The following SLC17A8 variants were observed in gnomAD, a reference collection of about 807,000 sequenced individuals.
SLC17A8 encodes solute carrier family 17 member 8.
A neutral mutation model predicts 58.0 loss-of-function variants in SLC17A8; 31 were observed. That is an observed-to-expected ratio of 0.53 (90% CI 0.40 to 0.72). The LOEUF is 0.72. Ranked by LOEUF, SLC17A8 falls within the 30% of genes least tolerant of loss-of-function variation. SLC17A8 has a pLI of 0.00. For missense variants in SLC17A8, 655 were observed against 727.8 expected, an observed-to-expected ratio of 0.90 and a Z score of 1.15; for synonymous variants, 228 against 249.0, an observed-to-expected ratio of 0.92 and a Z score of 0.79.
intron 1 of SLC17A8, among the ~76,000 whole-genome samples, chr12:100,377,201 A>G (rs987934458): frequency 2.0e-5 from 3 of 152,160 alleles, no homozygotes; most frequent in African/African-American, 7.2e-5. Flanking sequence ...ATAAAGTCCT[A>G]TCATCCAACT....
intron 5 of SLC17A8, among the ~76,000 whole-genome samples, chr12:100,398,851 A>T (rs1196471141): frequency 1.3e-5 from 2 of 152,044 alleles, no homozygotes; most frequent in Non-Finnish European, 2.9e-5. Context: ...AATGGGTCTC[A>T]TGAGATCTGA....
Position 100,402,428 on chromosome 12 carries a change from G to C in SLC17A8, c.852G>C (p.Lys284Asn). 1 of 1,614,082 alleles carries C rather than the reference G, an allele frequency of 6.2e-7. No individual in the cohort carries two copies. Among genetic ancestry groups the C allele is most frequent in the Non-Finnish European group, 8.5e-7 (1 of 1,180,014 alleles). Residue 284 changes from lysine to asparagine, a missense_variant, in exon 7 of 12, where the codon AAG (lysine) becomes AAC (asparagine). By Grantham distance (94) the Lys-to-Asn change is moderately conservative. Coordinates refer to ENST00000323346, the MANE Select transcript of SLC17A8 (RefSeq NM_139319.3). The part of the protein sequence containing the change: ...AAHPTISNEE[K>N]TYIETSIGEG... The stretch of plus-strand genomic sequence containing the variant: ...ATCCAACAATATCCAATGAGGAGAA[G>C]ACCTATATAGAGACAAGCATAGGAG...
intron 6 of SLC17A8, 28 bp downstream of exon 6, chr12:100,401,891 A>T: frequency 6.5e-7 from 1 of 1,540,282 alleles, no homozygotes; most frequent in Non-Finnish European, 9.0e-7. Context: ...ACAAGTTCAC[A>T]TGTGACTCAT....
intron 4 of SLC17A8, 33 bp from the exon 5 acceptor site, chr12:100,396,297 A>T (rs1490701216): frequency 6.4e-7 from 1 of 1,551,152 alleles, no homozygotes; most frequent in Non-Finnish European, 8.9e-7. Context: ...ACTACAGTCA[A>T]ATCAACTAAT....
intron 1 of SLC17A8, among the ~76,000 whole-genome samples, chr12:100,362,715 C>T (rs1042344451): frequency 1.3e-5 from 2 of 152,162 alleles, no homozygotes; most frequent in African/African-American, 4.8e-5. Context: ...TACAGCTTCT[C>T]CAAGACTCTA....
intron 2 of SLC17A8, among the ~76,000 whole-genome samples, chr12:100,383,949 C>T (rs138465654): frequency 2.0e-5 from 3 of 152,286 alleles, no homozygotes; most frequent in East Asian, 3.9e-4. Context: ...AAGGGATCCT[C>T]CTGCCTTGGT....
chr12:100,418,811 T>A (rs1952926505), intron 11 of SLC17A8, among the ~76,000 whole-genome samples: 1 of 152,248 alleles, frequency 6.6e-6, no homozygotes, highest in Non-Finnish European at 1.5e-5. Flanking sequence ...GATTGCCTAT[T>A]ACAAATATAA....
intron 8 of SLC17A8, among the ~76,000 whole-genome samples, chr12:100,403,077 C>T (rs1952802745): frequency 6.6e-6 from 1 of 152,142 alleles, no homozygotes; most frequent in African/African-American, 2.4e-5. Flanking sequence ...TTCCTGTAAG[C>T]TACTCAGTGA....
intron 1 of SLC17A8, among the ~76,000 whole-genome samples, chr12:100,372,038 C>A (rs2135976705): frequency 6.6e-6 from 1 of 152,282 alleles, no homozygotes; most frequent in Non-Finnish European, 1.5e-5. Context: ...TAATTTTCTT[C>A]TTCCAGTAGA....
In SLC17A8 at chr12:100,388,555, C is replaced by A. The variant is rs138071799; in HGVS notation, c.355-2446C>A. Among the ~76,000 whole-genome samples, 478 of 152,276 alleles carry A rather than the reference C, an allele frequency of 3.1e-3. 5 individuals carry two copies. Among genetic ancestry groups the A allele is most frequent in the African/African-American group, 0.011 (450 of 41,564 alleles). ...TAAAATGAGAAATAGAGAGTATAGG[C>A]CAAAGTGGCTTGGACTGTGAGCTCC... On this transcript the variant is annotated intron_variant, in intron 2 of 11. Transcript: ENST00000323346.
intron 10 of SLC17A8, among the ~76,000 whole-genome samples, chr12:100,417,244 G>A (rs1364453000): frequency 6.6e-6 from 1 of 152,194 alleles, no homozygotes; most frequent in Non-Finnish European, 1.5e-5. Flanking sequence ...CAAAGAGAGG[G>A]AGTTACTTTG....
intron 1 of SLC17A8, among the ~76,000 whole-genome samples, chr12:100,359,191 A>C (rs745808712): frequency 3.3e-5 from 5 of 152,204 alleles, no homozygotes; most frequent in Non-Finnish European, 7.3e-5. Flanking sequence ...CATAGTCACC[A>C]TTATAAACAG....
chr12:100,391,140 A>G, intron 3 of SLC17A8, 21 bp downstream of exon 3: 1 of 1,488,772 alleles, frequency 6.7e-7, no homozygotes, highest in South Asian at 1.1e-5. Flanking sequence ...TTGATATAAC[A>G]TGATACAAAC....
At chr12:100,416,633 C>T (rs1385881007) in intron 10 of SLC17A8, among the ~76,000 whole-genome samples, 1 of 151,936 alleles carries the variant, frequency 6.6e-6, no homozygotes, top group African/African-American at 2.4e-5. Flanking sequence ...ATTTCAGTAG[C>T]TGAAGCTGGT....
rs532667387 is a variant in SLC17A8 at position 100,364,917 on chromosome 12, C to T, written c.101+7425C>T. On this transcript the variant is annotated intron_variant, in intron 1 of 11. Coordinates refer to ENST00000323346, the MANE Select transcript of SLC17A8 (RefSeq NM_139319.3). Reference sequence around the variant, plus strand: ...GGTGGGCTGAAGTATAGCAGCAGTCCATTTGCAACATGCTCTAACATACCA... The same window carrying T: ...GGTGGGCTGAAGTATAGCAGCAGTCTATTTGCAACATGCTCTAACATACCA... Among the ~76,000 whole-genome samples, 8 of 152,306 alleles carry T rather than the reference C, an allele frequency of 5.3e-5. No individual in the cohort carries two copies. In the South Asian group the frequency reaches 8.3e-4, roughly 16 times the overall value.
chr12:100,362,613 G>T (rs1351556786), intron 1 of SLC17A8, among the ~76,000 whole-genome samples: 1 of 152,094 alleles, frequency 6.6e-6, no homozygotes, highest in East Asian at 1.9e-4. Context: ...CCATCAAGGG[G>T]AACTGGGGAG....
intron 5 of SLC17A8, 145 bp downstream of exon 5, chr12:100,396,562 A>G: frequency 1.5e-6 from 1 of 667,012 alleles, no homozygotes; most frequent in East Asian, 2.8e-5. Flanking sequence ...CAGCCTGGAC[A>G]ATATAGTGAC....
intron 2 of SLC17A8, among the ~76,000 whole-genome samples, chr12:100,381,683 C>G (rs1393167240): frequency 1.3e-5 from 2 of 152,174 alleles, no homozygotes; most frequent in South Asian, 4.2e-4. Flanking sequence ...GACTAATGAA[C>G]CTTTGCCAAA....
At chr12:100,405,313 G>C (rs773469452) in intron 9 of SLC17A8, among the ~76,000 whole-genome samples, 29 of 152,204 alleles carry the variant, frequency 1.9e-4, no homozygotes, top group Non-Finnish European at 2.5e-4. Context: ...TCCTCTCCAA[G>C]AGAGCTGTAG....
Sources: gnomAD v4.1 joint callset for allele counts (sites outside exome capture counted in the v4.1 genomes callset) on GRCh38, gnomAD v4.1.1 for gene constraint, MANE v1.5 for transcripts, NCBI Gene and HGNC (gene_info 2026-07-23, HGNC 2026-07-21) for gene names.